TPO: variants seen among roughly 807,000 people sequenced by gnomAD.
TPO encodes thyroid peroxidase.
Under a neutral mutation model 96.9 loss-of-function variants are expected in TPO, and 78 were observed. The observed-to-expected ratio is 0.81, with a 90% CI of 0.67 to 0.97. TPO has a LOEUF of 0.97. Ranked by LOEUF, TPO falls within the 50% of genes least tolerant of loss-of-function variation. TPO has a pLI of 0.00. For missense variants in TPO, 1,252 were observed against 1,274.8 expected, an observed-to-expected ratio of 0.98 and a Z score of 0.27; for synonymous variants, 547 against 538.0, an observed-to-expected ratio of 1.02 and a Z score of -0.23.
In TPO at chr2:1,496,103, T is replaced by C; in HGVS notation, c.2121T>C (p.Asp707=). 6.2e-7 allele frequency: 1 copy of C among 1,614,122 alleles called. No individual in the cohort carries two copies. Among genetic ancestry groups the C allele is most frequent in the East Asian group, 2.2e-5 (1 of 44,882 alleles). ...DNTGLTRVPM[D]AFQVGKFPED... ...CTGGCCTCACCAGGGTGCCCATGGA[T>C]GCCTTCCAAGTCGGCAAATTCCCCG... The change falls in exon 12 of 17, where the codon GAT becomes GAC. Residue 707 remains aspartate, a synonymous_variant. Transcript: ENST00000329066.
chr2:1,521,762 C>G, intron 15 of TPO, among the ~76,000 whole-genome samples: 1 of 151,998 alleles, frequency 6.6e-6, no homozygotes, highest in Non-Finnish European at 1.5e-5. Context: ...CACTCAGGCC[C>G]CAGAGGACCT....
At chr2:1,480,354 G>A (rs999909562) in intron 8 of TPO, among the ~76,000 whole-genome samples, 5 of 152,090 alleles carry the variant, frequency 3.3e-5, no homozygotes, top group East Asian at 1.9e-4. Context: ...CCACTGCTGC[G>A]ACTTCTAGCC....
intron 1 of TPO, among the ~76,000 whole-genome samples, chr2:1,379,290 G>A (rs551447292): frequency 1.3e-4 from 20 of 152,272 alleles, no homozygotes; most frequent in Non-Finnish European, 2.4e-4. Flanking sequence ...GGGTGACAGG[G>A]TGAGAATCTG....
At chr2:1,542,265 C>G in intron 16 of TPO, 156 bp from the exon 17 acceptor site, 1 of 1,057,258 alleles carries the variant, frequency 9.5e-7, no homozygotes, top group Non-Finnish European at 1.4e-6. Flanking sequence ...CAGAAACTTC[C>G]CTCCAGCATG....
At chr2:1,419,222 T>G (rs532342130) in intron 2 of TPO, among the ~76,000 whole-genome samples, 1 of 152,186 alleles carries the variant, frequency 6.6e-6, no homozygotes, top group African/African-American at 2.4e-5. Context: ...CCAGAGCAAG[T>G]AATTAAGTCC....
intron 7 of TPO, among the ~76,000 whole-genome samples, chr2:1,472,599 G>A (rs1669527908): frequency 6.6e-6 from 1 of 151,954 alleles, no homozygotes; most frequent in Non-Finnish European, 1.5e-5. Context: ...CACACTCCGG[G>A]TCACAGCCAT....
intron 7 of TPO, among the ~76,000 whole-genome samples, chr2:1,457,876 C>T (rs112924434): frequency 0.026 from 3,929 of 149,196 alleles, 78 homozygotes; most frequent in Non-Finnish European, 0.038. Context: ...TATATGATCT[C>T]GGGTGGGCAC....
intron 13 of TPO, 33 bp from the exon 14 acceptor site, chr2:1,503,915 C>T (rs772148524): frequency 6.2e-7 from 1 of 1,614,140 alleles, no homozygotes; most frequent in Non-Finnish European, 8.5e-7. Flanking sequence ...GCAGCCGCTT[C>T]CTCTCACGTG....
At chr2:1,525,824 CA>C (rs1676324303) in intron 15 of TPO, among the ~76,000 whole-genome samples, 1 of 148,818 alleles carries the variant, frequency 6.7e-6, no homozygotes, top group Admixed American at 6.7e-5. Flanking sequence ...GCAACCTACC[CA>C]AATGCCCCCC....
At chr2:1,506,628 T>C (rs1673496166) in intron 14 of TPO, among the ~76,000 whole-genome samples, 1 of 152,252 alleles carries the variant, frequency 6.6e-6, no homozygotes. Flanking sequence ...ATTTCTCTGA[T>C]GGCCAGTGAT....
chr2:1,494,913 C>G (rs1329972693), intron 11 of TPO, among the ~76,000 whole-genome samples: 1 of 152,142 alleles, frequency 6.6e-6, no homozygotes, highest in African/African-American at 2.4e-5. Context: ...TGCAGCCTTT[C>G]AAAGAGCTAC....
chr2:1,444,134 A>G lies in TPO; in HGVS notation c.482+7750A>G, dbSNP rs561858000. Among the ~76,000 whole-genome samples, 143 of 136,354 alleles carry G rather than the reference A, an allele frequency of 1.0e-3. 1 individual carries two copies. The highest frequency in any genetic ancestry group is 4.0e-3 in the African/African-American group (140 of 35,138). 89.5% of individuals were successfully genotyped at this position (136,354 alleles called of 152,430 possible). A position where few individuals can be genotyped will look rare whatever the true frequency, so the allele number is the denominator to read the frequency against. On this transcript the variant is annotated intron_variant, in intron 5 of 16. Coordinates refer to ENST00000329066, the MANE Select transcript of TPO (RefSeq NM_001206744.2). ...TCCTTCTTGTTTGTATGATCCAGTCACTGCTGCGGGAGGCACCATGTTGGA... is the reference window on the plus strand; with the variant it reads ...TCCTTCTTGTTTGTATGATCCAGTCGCTGCTGCGGGAGGCACCATGTTGGA...
intron 6 of TPO, among the ~76,000 whole-genome samples, chr2:1,455,617 G>A (rs1264511941): frequency 1.3e-5 from 2 of 152,138 alleles, no homozygotes; most frequent in Non-Finnish European, 2.9e-5. Context: ...GAAAGGAAGG[G>A]GAGTCACTCC....
chr2:1,462,468 G>A (rs1276499990), intron 7 of TPO, among the ~76,000 whole-genome samples: 3 of 151,570 alleles, frequency 2.0e-5, no homozygotes, highest in Non-Finnish European at 4.4e-5. Context: ...ATAAACACCC[G>A]ATGTGAACAA....
At chr2:1,432,243 G>T (rs962732888) in intron 3 of TPO, among the ~76,000 whole-genome samples, 7 of 152,230 alleles carry the variant, frequency 4.6e-5, no homozygotes, top group African/African-American at 1.7e-4. Context: ...TCCTCCCTTG[G>T]GTCCTGGGGA....
At chr2:1,509,705 C>T (rs1391848164) in intron 14 of TPO, among the ~76,000 whole-genome samples, 1 of 50,952 alleles carries the variant, frequency 2.0e-5, no homozygotes, top group African/African-American at 9.5e-5. Flanking sequence ...AGGCACACCC[C>T]CCTTCTTCTG....
intron 5 of TPO, among the ~76,000 whole-genome samples, chr2:1,446,479 T>C (rs1666837193): frequency 6.6e-6 from 1 of 152,166 alleles, no homozygotes; most frequent in African/African-American, 2.4e-5. Flanking sequence ...CTGTGATCCC[T>C]TTCATTTTGG....
intron 5 of TPO, among the ~76,000 whole-genome samples, chr2:1,449,421 T>C (rs1667127944): frequency 1.3e-5 from 2 of 152,186 alleles, no homozygotes; most frequent in African/African-American, 4.8e-5. Context: ...TTGACCTAAT[T>C]CATGAAATTA....
chr2:1,415,651 G>A (rs1348814839), intron 2 of TPO, among the ~76,000 whole-genome samples: 1 of 151,658 alleles, frequency 6.6e-6, no homozygotes, highest in African/African-American at 2.4e-5. Context: ...AGCCCCTGGA[G>A]CAGGTGACAC....
Sources: gnomAD v4.1 joint callset for allele counts (sites outside exome capture counted in the v4.1 genomes callset) on GRCh38, gnomAD v4.1.1 for gene constraint, MANE v1.5 for transcripts, NCBI Gene and HGNC (gene_info 2026-07-23, HGNC 2026-07-21) for gene names.